TXNRD1: variants seen among roughly 807,000 people sequenced by gnomAD.
TXNRD1 encodes the protein thioredoxin reductase 1, cytoplasmic.
TXNRD1 carries 57 observed loss-of-function variants against 80.3 expected under a neutral mutation model. That is an observed-to-expected ratio of 0.71 (90% CI 0.57 to 0.89). The LOEUF is 0.89. TXNRD1 is among the 40% of genes least tolerant of loss of function. The pLI is 0.00. For missense variants in TXNRD1, 730 were observed against 803.0 expected (o/e 0.91, Z 1.10); for synonymous variants, 291 against 285.2 (o/e 1.02, Z -0.20).
intron 16 of TXNRD1, among the ~76,000 whole-genome samples, chr12:104,340,582 G>A (rs2036289127): frequency 6.6e-6 from 1 of 152,110 alleles, no homozygotes; most frequent in African/African-American, 2.4e-5. Flanking sequence ...GGCAATCCTT[G>A]GCGTTCCTTG....
chr12:104,272,026 G>C (rs1053726943), intron 3 of TXNRD1, among the ~76,000 whole-genome samples: 2 of 152,124 alleles, frequency 1.3e-5, no homozygotes, highest in Non-Finnish European at 2.9e-5. Flanking sequence ...AATTAGCCAG[G>C]CATGGTGGCG....
chr12:104,320,404 C>T (rs1354529715), intron 9 of TXNRD1, among the ~76,000 whole-genome samples: 1 of 152,130 alleles, frequency 6.6e-6, no homozygotes, highest in Non-Finnish European at 1.5e-5. Flanking sequence ...AGTGCTCTGC[C>T]CTCATGGCCT....
intron 4 of TXNRD1, among the ~76,000 whole-genome samples, chr12:104,306,451 G>T (rs117119153): frequency 1.3e-5 from 2 of 152,096 alleles, no homozygotes; most frequent in Non-Finnish European, 2.9e-5. Flanking sequence ...TTTGGTAGTC[G>T]TGGAATTTTG....
intron 3 of TXNRD1, among the ~76,000 whole-genome samples, chr12:104,283,537 A>C (rs1161152128): frequency 1.3e-5 from 2 of 150,878 alleles, no homozygotes; most frequent in African/African-American, 4.9e-5. Context: ...GCCGTGAGCC[A>C]TTGCACCCGG....
intron 1 of TXNRD1, among the ~76,000 whole-genome samples, chr12:104,220,938 A>C (rs1031473829): frequency 6.6e-6 from 1 of 152,212 alleles, no homozygotes; most frequent in Admixed American, 6.5e-5. Context: ...GTATATAACT[A>C]TAAATGACTA....
intron 10 of TXNRD1, 85 bp downstream of exon 10, chr12:104,321,401 T>C: frequency 1.9e-6 from 2 of 1,074,534 alleles, no homozygotes; most frequent in Admixed American, 2.0e-5. Context: ...AGAAGCATCC[T>C]TTCAGCATTA....
At chr12:104,287,085 A>G (rs2135740891) in intron 3 of TXNRD1, 1 of 1,437,014 alleles carries the variant, frequency 7.0e-7, no homozygotes, top group East Asian at 2.5e-5. Flanking sequence ...GGAGGGCCTG[A>G]TGTCTTCATC....
intron 16 of TXNRD1, chr12:104,339,475 G>C: frequency 1.3e-6 from 1 of 756,972 alleles, no homozygotes; most frequent in Non-Finnish European, 2.4e-6. Flanking sequence ...ATGTCGTTAA[G>C]TGGTAAAAAT....
chr12:104,299,175 A>G (rs1313676957), intron 4 of TXNRD1, among the ~76,000 whole-genome samples: 3 of 152,148 alleles, frequency 2.0e-5, no homozygotes, highest in African/African-American at 7.2e-5. Flanking sequence ...TTTTGGTATA[A>G]GTGGATCTGT....
At chr12:104,277,652 T>G (rs925971787) in intron 3 of TXNRD1, among the ~76,000 whole-genome samples, 3 of 152,052 alleles carry the variant, frequency 2.0e-5, no homozygotes, top group Admixed American at 1.3e-4. Flanking sequence ...TCAGGGTGGA[T>G]GATTCATGGA....
At chr12:104,337,143 C>T (rs376607696) in intron 15 of TXNRD1, among the ~76,000 whole-genome samples, 16 of 152,004 alleles carry the variant, frequency 1.1e-4, no homozygotes, top group African/African-American at 3.9e-4. Context: ...TTTTTGAGAC[C>T]CTTTCCACAT....
chr12:104,269,153 G>A (rs1264963598), intron 3 of TXNRD1, among the ~76,000 whole-genome samples: 2 of 151,836 alleles, frequency 1.3e-5, no homozygotes, highest in Admixed American at 6.6e-5. Context: ...AATCTGGCCC[G>A]CCTGGCCTCC....
chr12:104,281,946 T>C (rs765362721), intron 3 of TXNRD1, among the ~76,000 whole-genome samples: 1 of 152,198 alleles, frequency 6.6e-6, no homozygotes, highest in Non-Finnish European at 1.5e-5. Context: ...TACTGGTTAC[T>C]TTGTGGATTC....
At chr12:104,299,614 A>G (rs2034550606) in intron 4 of TXNRD1, among the ~76,000 whole-genome samples, 1 of 151,986 alleles carries the variant, frequency 6.6e-6, no homozygotes, top group Non-Finnish European at 1.5e-5. Flanking sequence ...TAAGAATACA[A>G]AAATTAGCCA....
chr12:104,241,936 G>GTT (rs1406884883), intron 1 of TXNRD1, among the ~76,000 whole-genome samples: 2 of 56,278 alleles, frequency 3.6e-5, no homozygotes, highest in African/African-American at 1.3e-4. Flanking sequence ...TTATACTAAT[G>GTT]ATTTTTTTTT....
intron 3 of TXNRD1, among the ~76,000 whole-genome samples, chr12:104,281,449 C>A (rs10745999): frequency 7.0e-6 from 1 of 141,862 alleles, no homozygotes; most frequent in Non-Finnish European, 1.5e-5. Flanking sequence ...CTGTGTCGCC[C>A]GGGCTGGAGT....
At chr12:104,337,767 AAATTACTTTT>A (rs1335388578) in intron 15 of TXNRD1, among the ~76,000 whole-genome samples, 1 of 151,810 alleles carries the variant, frequency 6.6e-6, no homozygotes, top group Admixed American at 6.6e-5. Context: ...ACCTTATTTA[AAATTACTTTT>A]AAAATTTTAT....
At chr12:104,307,930 G>A (rs2034986903) in intron 4 of TXNRD1, among the ~76,000 whole-genome samples, 1 of 152,070 alleles carries the variant, frequency 6.6e-6, no homozygotes, top group African/African-American at 2.4e-5. Flanking sequence ...AAGTGTATGA[G>A]GCCCTTTTGG....
chr12:104,336,831 G>T (rs2036155009), intron 15 of TXNRD1, among the ~76,000 whole-genome samples: 1 of 152,270 alleles, frequency 6.6e-6, no homozygotes, highest in South Asian at 2.1e-4. Flanking sequence ...TATAGATGAG[G>T]AAACTGAAGC....
Sources: allele counts gnomAD v4.1 joint callset (sites outside exome capture counted in the v4.1 genomes callset), GRCh38; gene constraint gnomAD v4.1.1; transcripts MANE v1.5; gene names NCBI Gene and HGNC (gene_info 2026-07-23, HGNC 2026-07-21).